The following CPEB3 variants were observed in gnomAD, a reference collection of about 807,000 sequenced individuals.
CPEB3 encodes cytoplasmic polyadenylation element binding protein 3, also known as cytoplasmic polyadenylation element-binding protein 3.
CPEB3 carries 20 observed loss-of-function variants against 67.2 expected under a neutral mutation model. That is an observed-to-expected ratio of 0.30 (90% CI 0.21 to 0.43). The LOEUF (loss-of-function observed/expected upper bound fraction) is 0.43. Ranked by LOEUF, CPEB3 falls within the 20% of genes least tolerant of loss-of-function variation. The probability of loss-of-function intolerance (pLI) is 1.00; values close to 1 mark genes in which losing one functional copy is unlikely to be tolerated. For synonymous variants in CPEB3, 376 were observed against 393.1 expected, an observed-to-expected ratio of 0.96 and a Z score of 0.51; for missense variants, 746 against 968.6, an observed-to-expected ratio of 0.77 and a Z score of 3.05.
intron 1 of CPEB3, among the ~76,000 whole-genome samples, chr10:92,253,353 G>A (rs1302603007): frequency 6.6e-6 from 1 of 151,208 alleles, no homozygotes. Flanking sequence ...CCAGCTACTC[G>A]GGAGGCTGAG....
At chr10:92,109,256 A>ATTT (rs777164003) in intron 7 of CPEB3, among the ~76,000 whole-genome samples, 1 of 140,740 alleles carries the variant, frequency 7.1e-6, no homozygotes, top group African/African-American at 2.6e-5. Flanking sequence ...TTGGGTACAG[A>ATTT]TTTTTTTTTT....
At chr10:92,056,107 C>T (rs572168255) in intron 9 of CPEB3, among the ~76,000 whole-genome samples, 4 of 152,258 alleles carry the variant, frequency 2.6e-5, no homozygotes, top group Non-Finnish European at 5.9e-5. Flanking sequence ...CTGAAAGCTT[C>T]CAGAGGGCAG....
At chr10:92,082,726 T>C (rs930277766) in intron 8 of CPEB3, among the ~76,000 whole-genome samples, 5 of 152,168 alleles carry the variant, frequency 3.3e-5, no homozygotes. Flanking sequence ...CCATTCCTTT[T>C]AGGCTACTCA....
intron 9 of CPEB3, among the ~76,000 whole-genome samples, chr10:92,078,512 G>A (rs1843018889): frequency 6.6e-6 from 1 of 152,058 alleles, no homozygotes; most frequent in Non-Finnish European, 1.5e-5. Flanking sequence ...ACTGATTGAA[G>A]CAGCAAAGGT....
intron 2 of CPEB3, chr10:92,216,219 CA>C: frequency 1.1e-6 from 1 of 946,166 alleles, no homozygotes. Flanking sequence ...GCACGGATCA[CA>C]AGGTCAAGAG....
At chr10:92,248,671 T>C (rs1852167753) in intron 1 of CPEB3, among the ~76,000 whole-genome samples, 1 of 152,178 alleles carries the variant, frequency 6.6e-6, no homozygotes, top group African/African-American at 2.4e-5. Flanking sequence ...AGGGGAGTGG[T>C]ATAAAATAGA....
At position 92,209,487 on chromosome 10, in the gene CPEB3, T is replaced by G. The variant is rs527493564; in HGVS notation, c.1006-16851A>C. On this transcript the variant is annotated intron_variant, in intron 2 of 9. Coordinates refer to ENST00000265997, the MANE Select transcript of CPEB3 (RefSeq NM_014912.5). Reference sequence around the variant, plus strand: ...TTGCAGTGAGCCAAGATCGTGCCATTGCACTCCAGCCTGGGCAACAAGAGA... The same window carrying G: ...TTGCAGTGAGCCAAGATCGTGCCATGGCACTCCAGCCTGGGCAACAAGAGA... Among the ~76,000 whole-genome samples, 7 of 151,930 alleles carry G rather than the reference T, an allele frequency of 4.6e-5. No homozygotes were observed. The East Asian group carries it at 1.4e-3, about 30-fold the overall frequency.
intron 4 of CPEB3, among the ~76,000 whole-genome samples, chr10:92,158,475 C>T (rs1476786377): frequency 2.6e-5 from 4 of 152,084 alleles, no homozygotes; most frequent in South Asian, 2.1e-4. Context: ...CTGTACCATG[C>T]GGTGGTCACT....
intron 8 of CPEB3, among the ~76,000 whole-genome samples, chr10:92,090,298 T>C (rs1843560361): frequency 6.6e-6 from 1 of 152,152 alleles, no homozygotes; most frequent in South Asian, 2.1e-4. Flanking sequence ...CCCAACTACT[T>C]TGGGAGGCTG....
intron 1 of CPEB3, among the ~76,000 whole-genome samples, chr10:92,263,091 T>C (rs1239972288): frequency 2.0e-5 from 3 of 152,162 alleles, no homozygotes; most frequent in Non-Finnish European, 2.9e-5. Context: ...TTTGTTGTTG[T>C]TGGAGACAGT....
chr10:92,258,674 ATATATT>A (rs1852649021), intron 1 of CPEB3, among the ~76,000 whole-genome samples: 1 of 114,114 alleles, frequency 8.8e-6, no homozygotes, highest in African/African-American at 3.3e-5. Flanking sequence ...ATATATATAT[ATATATT>A]TCATGTATTT....
intron 9 of CPEB3, among the ~76,000 whole-genome samples, chr10:92,074,616 G>A (rs927261361): frequency 2.6e-5 from 4 of 152,144 alleles, no homozygotes; most frequent in Non-Finnish European, 5.9e-5. Flanking sequence ...GAGAAATAGG[G>A]GAAAAGGCCA....
intron 2 of CPEB3, among the ~76,000 whole-genome samples, chr10:92,238,626 G>GAA (rs36036680): frequency 7.0e-6 from 1 of 142,630 alleles, no homozygotes. Context: ...TCTTACCTCC[G>GAA]AAAAAAAAAA....
At chr10:92,060,881 G>A (rs1396864802) in intron 9 of CPEB3, among the ~76,000 whole-genome samples, 1 of 152,220 alleles carries the variant, frequency 6.6e-6, no homozygotes, top group Non-Finnish European at 1.5e-5. Flanking sequence ...TGGTAAGGAT[G>A]TAGAGAAAAG....
chr10:92,208,117 C>T (rs994452342), intron 2 of CPEB3, among the ~76,000 whole-genome samples: 1 of 152,114 alleles, frequency 6.6e-6, no homozygotes, highest in Non-Finnish European at 1.5e-5. Context: ...GCTTTATGAG[C>T]TGTATAAGTA....
At chr10:92,092,506 A>G (rs557674470) in intron 7 of CPEB3, among the ~76,000 whole-genome samples, 1 of 152,320 alleles carries the variant, frequency 6.6e-6, no homozygotes, top group South Asian at 2.1e-4. Flanking sequence ...CTGGCTGGGC[A>G]TGGTGGCTCA....
chr10:92,137,602 A>C (rs1294664386), intron 6 of CPEB3: 4 of 680,898 alleles, frequency 5.9e-6, no homozygotes, highest in African/African-American at 5.3e-5. Flanking sequence ...CCAATTCTAC[A>C]TCAATGTGGA....
rs145327537 is a variant in CPEB3, at chr10:92,280,090, C to G, written c.-12+10836G>C. Among the ~76,000 whole-genome samples, 1,309 of 151,708 alleles carry G rather than the reference C, an allele frequency of 8.6e-3. 12 individuals are homozygous for G. Among genetic ancestry groups the G allele is most frequent in the African/African-American group, 0.03 (1,236 of 41,374 alleles). ...AGGCGTGGTGGCTCACACCTGTAAT[C>G]CCTGCACTTTGGGAGGCCAAGGCAG... On this transcript the variant is annotated intron_variant, in intron 1 of 9. Coordinates refer to ENST00000265997, the MANE Select transcript of CPEB3 (RefSeq NM_014912.5).
chr10:92,143,022 G>C lies in CPEB3; in HGVS notation c.1453+7C>G, dbSNP rs777403936. 2.5e-6 allele frequency: 4 copies of C among 1,603,090 alleles called. No individual in the cohort carries two copies. Among genetic ancestry groups the C allele is most frequent in the African/African-American group, 1.3e-5 (1 of 74,684 alleles). The stretch of plus-strand genomic sequence containing the variant: ...GGCAAGCAGTGGAAACATTTTAAGA[G>C]CATTACCTTTAGGAGGAAAATAAGA... On this transcript the variant is annotated splice_region_variant and intron_variant, in intron 6 of 9. Transcript: ENST00000265997.
Sources: allele counts gnomAD v4.1 joint callset (sites outside exome capture counted in the v4.1 genomes callset), GRCh38; gene constraint gnomAD v4.1.1; transcripts MANE v1.5; gene names NCBI Gene and HGNC (gene_info 2026-07-23, HGNC 2026-07-21).